The following TNPO1 variants were observed in gnomAD, a reference collection of about 807,000 sequenced individuals.
TNPO1 encodes transportin 1, also known as transportin-1.
A neutral mutation model predicts 119.5 loss-of-function variants in TNPO1; 8 were observed. The ratio of observed to expected loss-of-function variants is 0.07; its 90% confidence interval spans 0.04 to 0.12. The LOEUF (loss-of-function observed/expected upper bound fraction) is 0.12, where lower values mean the gene tolerates loss of function less well. Among genes scored for constraint, TNPO1 ranks in the 10% least tolerant of loss-of-function variants. The pLI, the probability that TNPO1 is intolerant of heterozygous loss-of-function variation, is 1.00. For synonymous variants in TNPO1, 362 were observed against 363.0 expected (o/e 1.00, Z 0.03); for missense variants, 576 against 1,089.8 (o/e 0.53, Z 6.64).
At chr5:72,840,015 A>T (rs1744840252) in intron 1 of TNPO1, among the ~76,000 whole-genome samples, 1 of 152,222 alleles carries the variant, frequency 6.6e-6, no homozygotes, top group Admixed American at 6.5e-5. Context: ...CTGAAAAGCA[A>T]GGTGCAGTTA....
chr5:72,838,588 G>T (rs1302342819), intron 1 of TNPO1, among the ~76,000 whole-genome samples: 1 of 151,950 alleles, frequency 6.6e-6, no homozygotes, highest in Non-Finnish European at 1.5e-5. Flanking sequence ...AACTTTCCTG[G>T]TGCTCATATT....
At chr5:72,835,789 A>C (rs992184545) in intron 1 of TNPO1, among the ~76,000 whole-genome samples, 1 of 152,306 alleles carries the variant, frequency 6.6e-6, no homozygotes, top group South Asian at 2.1e-4. Flanking sequence ...TCCAGCATTA[A>C]TTCAAAAGTC....
intron 14 of TNPO1, among the ~76,000 whole-genome samples, chr5:72,891,336 G>A (rs1312630402): frequency 6.6e-6 from 1 of 151,954 alleles, no homozygotes; most frequent in Admixed American, 6.6e-5. Context: ...GTGGTGGGGG[G>A]TGCCTGTAGT....
intron 1 of TNPO1, among the ~76,000 whole-genome samples, chr5:72,824,825 G>A (rs942685923): frequency 2.6e-5 from 4 of 151,996 alleles, no homozygotes; most frequent in African/African-American, 9.7e-5. Context: ...AGTCTTACAT[G>A]TGCAACTACC....
At chr5:72,883,457 C>G (rs765341585) in intron 11 of TNPO1, among the ~76,000 whole-genome samples, 3 of 152,224 alleles carry the variant, frequency 2.0e-5, no homozygotes, top group Non-Finnish European at 4.4e-5. Context: ...TGGGCAACTA[C>G]TAGTCAATAT....
chr5:72,874,577 C>A (rs1192462308), intron 7 of TNPO1, among the ~76,000 whole-genome samples: 2 of 152,084 alleles, frequency 1.3e-5, no homozygotes, highest in Non-Finnish European at 2.9e-5. Flanking sequence ...ATGTAAAATA[C>A]AATTAAAACA....
At chr5:72,882,338 T>C in intron 9 of TNPO1, 129 bp from the exon 10 acceptor site, 2 of 589,848 alleles carry the variant, frequency 3.4e-6, no homozygotes, top group Non-Finnish European at 5.7e-6. Flanking sequence ...CATATATCAC[T>C]GAATAAGTTC....
At chr5:72,836,783 T>C (rs562127078) in intron 1 of TNPO1, among the ~76,000 whole-genome samples, 2 of 152,346 alleles carry the variant, frequency 1.3e-5, no homozygotes, top group East Asian at 3.9e-4. Context: ...TTGAACACTT[T>C]GCCAAATATC....
intron 24 of TNPO1, among the ~76,000 whole-genome samples, chr5:72,906,286 T>C (rs1180658052): frequency 1.4e-3 from 151 of 106,200 alleles, no homozygotes; most frequent in Non-Finnish European, 2.2e-3. Flanking sequence ...TTTTTTTTTT[T>C]TTTTTTTTTT....
intron 3 of TNPO1, among the ~76,000 whole-genome samples, chr5:72,853,849 A>G (rs1460175662): frequency 6.6e-6 from 1 of 152,228 alleles, no homozygotes; most frequent in Admixed American, 6.5e-5. Flanking sequence ...GAGATCTCAG[A>G]TCAGCTGCTC....
At chr5:72,882,962 C>A in intron 10 of TNPO1, 102 bp from the exon 11 acceptor site, 1 of 832,888 alleles carries the variant, frequency 1.2e-6, no homozygotes, top group Admixed American at 2.1e-5. Flanking sequence ...TTTCAGAATT[C>A]TGTGCATGAC....
chr5:72,818,724 T>TA (rs1471541410), intron 1 of TNPO1, among the ~76,000 whole-genome samples: 3 of 152,226 alleles, frequency 2.0e-5, no homozygotes, highest in Non-Finnish European at 4.4e-5. Flanking sequence ...ATATTGGTGC[T>TA]AAAAAGATAT....
rs879749761 is a variant in TNPO1, at chr5:72,872,332, T to TA, written c.597-296dup. On this transcript the variant is annotated intron_variant, in intron 6 of 24. Transcript: ENST00000337273. ...TATCATTTTTAAATCTGTAGGCATC[T>TA]AAAAAAAAAAATTTTGCCCCTCCCC... 3.1e-3 allele frequency among the ~76,000 whole-genome samples: 461 copies of TA among 148,942 alleles called. 3 individuals carry two copies. Among genetic ancestry groups the TA allele is most frequent in the African/African-American group, 7.3e-3 (299 of 40,836 alleles).
At chr5:72,865,449 A>C in intron 5 of TNPO1, 147 bp from the exon 6 acceptor site, 1 of 940,634 alleles carries the variant, frequency 1.1e-6, no homozygotes, top group Non-Finnish European at 1.5e-6. Context: ...AAAAAAAAAA[A>C]ATTGAAGGAT....
chr5:72,853,517 C>T (rs1315234217), intron 3 of TNPO1, among the ~76,000 whole-genome samples: 5 of 152,192 alleles, frequency 3.3e-5, no homozygotes, highest in African/African-American at 1.2e-4. Flanking sequence ...ACATTAATTA[C>T]AAAACCATAA....
chr5:72,889,921 A>G lies in TNPO1; in HGVS notation c.1665A>G (p.Thr555=), dbSNP rs892642067. The part of the protein sequence containing the change: ...NLLILYDAIG[T]LADSVGHHLN... ...TCATTCTTTACGATGCCATAGGAAC[A>G]TTAGCAGATTCAGTAGGACATCATT... Residue 555 remains threonine, a synonymous_variant, in exon 14 of 25, where the codon ACA becomes ACG. Coordinates refer to ENST00000337273, the MANE Select transcript of TNPO1 (RefSeq NM_002270.4). 4 of 1,613,682 alleles carry G rather than the reference A, an allele frequency of 2.5e-6. No homozygotes were observed. The highest frequency in any genetic ancestry group is 1.3e-5 in the African/African-American group (1 of 75,028).
chr5:72,838,163 A>G (rs911480517), intron 1 of TNPO1, among the ~76,000 whole-genome samples: 2 of 152,144 alleles, frequency 1.3e-5, no homozygotes, highest in African/African-American at 4.8e-5. Flanking sequence ...GCCCTTACCA[A>G]TAAATACAGT....
At chr5:72,865,334 C>G (rs967172564) in intron 5 of TNPO1, among the ~76,000 whole-genome samples, 6 of 151,188 alleles carry the variant, frequency 4.0e-5, no homozygotes, top group African/African-American at 1.5e-4. Context: ...CCCAGCTACT[C>G]GGGAGGCTGA....
intron 1 of TNPO1, among the ~76,000 whole-genome samples, chr5:72,840,241 G>A (rs570838122): frequency 6.6e-6 from 1 of 152,224 alleles, no homozygotes; most frequent in African/African-American, 2.4e-5. Flanking sequence ...TCTGGAGTTG[G>A]GTGCATCTGG....
Sources: gnomAD v4.1 joint callset for allele counts (sites outside exome capture counted in the v4.1 genomes callset) on GRCh38, gnomAD v4.1.1 for gene constraint, MANE v1.5 for transcripts, NCBI Gene and HGNC (gene_info 2026-07-23, HGNC 2026-07-21) for gene names.